Variants in WDR64 observed in about 807,000 individuals in gnomAD.
The protein encoded by WDR64 is WD repeat domain 64, also known as WD repeat-containing protein 64.
In WDR64, 112 loss-of-function variants were observed where a neutral mutation model predicts 139.3. That is an observed-to-expected ratio of 0.80 (90% CI 0.69 to 0.94). The LOEUF is 0.94. Ranked by LOEUF, WDR64 falls within the 40% of genes least tolerant of loss-of-function variation. The probability of loss-of-function intolerance (pLI) is 0.00; values close to 1 mark genes in which losing one functional copy is unlikely to be tolerated. For synonymous variants in WDR64, 444 were observed against 437.7 expected (o/e 1.01, Z -0.18); for missense variants, 1,206 against 1,293.1 (o/e 0.93, Z 1.03).
intron 4 of WDR64, among the ~76,000 whole-genome samples, chr1:241,676,579 T>C (rs1055133946): frequency 3.9e-5 from 6 of 152,162 alleles, no homozygotes; most frequent in Non-Finnish European, 7.3e-5. Context: ...TTCAGAATGA[T>C]GTGAAATAAG....
intron 1 of WDR64, among the ~76,000 whole-genome samples, chr1:241,654,213 T>A (rs1165515013): frequency 6.6e-6 from 1 of 152,232 alleles, no homozygotes; most frequent in Non-Finnish European, 1.5e-5. Flanking sequence ...TCTCCTTTTC[T>A]ACTGGATTTG....
At chr1:241,695,587 G>T (rs1050772158) in intron 8 of WDR64, among the ~76,000 whole-genome samples, 1 of 152,082 alleles carries the variant, frequency 6.6e-6, no homozygotes, top group Admixed American at 6.6e-5. Flanking sequence ...AGTAATAAAC[G>T]ATAGTTCTCA....
chr1:241,667,432 A>G (rs1344207698), intron 2 of WDR64, among the ~76,000 whole-genome samples: 1 of 152,216 alleles, frequency 6.6e-6, no homozygotes, highest in Non-Finnish European at 1.5e-5. Context: ...GAACATAGAC[A>G]CTGCTGGGAA....
chr1:241,675,982 T>C lies in WDR64; in HGVS notation c.483+1235T>C, dbSNP rs1666540330. 4 of 152,232 alleles carry C rather than the reference T, an allele frequency of 2.6e-5. No homozygotes were observed. In the South Asian group the frequency reaches 6.2e-4, roughly 24 times the overall value. The allele number at this position is 152,232 out of a possible 1,614,324, so 9.4% of individuals were successfully genotyped here. ...TCTTTGGTGTTAATTATTTTAAAAA[T>C]CCTAATGATTAGTTCATTTCCAACT... On this transcript the variant is annotated intron_variant, in intron 4 of 27. Transcript: ENST00000437684.
chr1:241,742,553 G>A (rs896082043), intron 12 of WDR64, among the ~76,000 whole-genome samples: 4 of 152,146 alleles, frequency 2.6e-5, no homozygotes, highest in African/African-American at 4.8e-5. Context: ...TCATGGCAAC[G>A]TCGGGAAGTT....
At chr1:241,737,290 G>A (rs1201309175) in intron 10 of WDR64, among the ~76,000 whole-genome samples, 4 of 152,168 alleles carry the variant, frequency 2.6e-5, no homozygotes, top group Non-Finnish European at 4.4e-5. Flanking sequence ...TCCAAGTCAC[G>A]GGACCCAGAC....
intron 15 of WDR64, among the ~76,000 whole-genome samples, chr1:241,762,464 G>A (rs1657960282): frequency 6.6e-6 from 1 of 152,102 alleles, no homozygotes; most frequent in Non-Finnish European, 1.5e-5. Context: ...ATATGTTTGA[G>A]GCTGAAGAAT....
Position 241,674,973 on chromosome 1 carries a change from T to C in WDR64, c.483+226T>C, listed in dbSNP as rs1311609834. 5.9e-3 allele frequency among the ~76,000 whole-genome samples: 200 copies of C among 33,670 alleles called. 2 individuals are homozygous for C. The highest frequency in any genetic ancestry group is 9.4e-3 in the Non-Finnish European group (103 of 10,954). The allele number at this position is 33,670 out of a possible 152,430, so 22.1% of individuals were successfully genotyped here. On this transcript the variant is annotated intron_variant, in intron 4 of 27. Coordinates refer to ENST00000437684, the MANE Select transcript of WDR64 (RefSeq NM_001367482.1). ...CTTCCTCTCTCCTCCCTTCTTTTTC[T>C]TTCCTTCTTTCCTCCCTTTCTCCCT...
chr1:241,668,248 G>T (rs1666095628), intron 2 of WDR64, among the ~76,000 whole-genome samples: 2 of 152,136 alleles, frequency 1.3e-5, no homozygotes, highest in South Asian at 4.1e-4. Flanking sequence ...GGCAGCTCAC[G>T]CCTGTAATCC....
At chr1:241,670,682 T>G (rs1014568226) in intron 2 of WDR64, among the ~76,000 whole-genome samples, 1 of 152,212 alleles carries the variant, frequency 6.6e-6, no homozygotes, top group Non-Finnish European at 1.5e-5. Flanking sequence ...CATCACTGCC[T>G]GAGCTCCGCC....
At chr1:241,799,095 G>T (rs1659446490) in intron 27 of WDR64, among the ~76,000 whole-genome samples, 1 of 148,038 alleles carries the variant, frequency 6.8e-6, no homozygotes, top group Admixed American at 7.0e-5. Flanking sequence ...GCCAGGCTCA[G>T]TGGCTCATGC....
chr1:241,694,818 T>G (rs1203972854), intron 8 of WDR64, among the ~76,000 whole-genome samples: 1 of 152,200 alleles, frequency 6.6e-6, no homozygotes, highest in Non-Finnish European at 1.5e-5. Flanking sequence ...AACCAGAAAC[T>G]TATACAGGTC....
intron 13 of WDR64, among the ~76,000 whole-genome samples, chr1:241,746,291 C>G (rs1198892628): frequency 6.6e-6 from 1 of 152,038 alleles, no homozygotes; most frequent in Non-Finnish European, 1.5e-5. Context: ...AGGAAAAGAC[C>G]TGTGGTTCAC....
rs377138919 is a variant in WDR64, at chr1:241,726,928, C to T, written c.1194+3492C>T. ...TGAGACGAAGTTTCATTCTTGTTGT[C>T]CAGGCTGGAGTGCAATGGCACCATC... On this transcript the variant is annotated intron_variant, in intron 10 of 27. Transcript: ENST00000437684. 2.0e-5 allele frequency among the ~76,000 whole-genome samples: 3 copies of T among 150,582 alleles called. No individual in the cohort carries two copies. The East Asian group carries it at 5.8e-4, about 29-fold the overall frequency.
chr1:241,706,286 C>A (rs957130994), intron 8 of WDR64, among the ~76,000 whole-genome samples: 4 of 152,210 alleles, frequency 2.6e-5, no homozygotes, highest in African/African-American at 9.6e-5. Context: ...CCTGTGAATT[C>A]CCTTTGGGCC....
At chr1:241,757,147 G>A in intron 14 of WDR64, 136 bp from the exon 15 acceptor site, 1 of 702,818 alleles carries the variant, frequency 1.4e-6, no homozygotes, top group Non-Finnish European at 2.2e-6. Context: ...TAATAAGCAA[G>A]GAATAGATGG....
At chr1:241,736,941 A>G (rs1378704138) in intron 10 of WDR64, among the ~76,000 whole-genome samples, 6 of 152,200 alleles carry the variant, frequency 3.9e-5, no homozygotes, top group African/African-American at 1.4e-4. Context: ...GTGTATATAC[A>G]TACAGCAGAA....
At chr1:241,691,808 G>C (rs567619013) in intron 8 of WDR64, among the ~76,000 whole-genome samples, 1 of 152,284 alleles carries the variant, frequency 6.6e-6, no homozygotes, top group Non-Finnish European at 1.5e-5. Context: ...GTGCTCAGGA[G>C]TTCAAGACCA....
chr1:241,702,576 A>G (rs1410759303), intron 8 of WDR64, among the ~76,000 whole-genome samples: 3 of 152,136 alleles, frequency 2.0e-5, no homozygotes, highest in African/African-American at 7.2e-5. Context: ...AAACTATCAT[A>G]GATTAGTTTG....
Sources: gnomAD v4.1 joint callset for allele counts (sites outside exome capture counted in the v4.1 genomes callset) on GRCh38, gnomAD v4.1.1 for gene constraint, MANE v1.5 for transcripts, NCBI Gene and HGNC (gene_info 2026-07-23, HGNC 2026-07-21) for gene names.